The following GALNT10 variants were observed in gnomAD, a reference collection of about 807,000 sequenced individuals.
GALNT10 encodes the protein GalNAc transferase 10.
A neutral mutation model predicts 75.0 loss-of-function variants in GALNT10; 41 were observed. The observed-to-expected ratio is 0.55, with a 90% CI of 0.43 to 0.71. The LOEUF (loss-of-function observed/expected upper bound fraction) is 0.71, where lower values mean the gene tolerates loss of function less well. GALNT10 is among the 30% of genes least tolerant of loss of function. The pLI is 0.00. For missense variants in GALNT10, 727 were observed against 818.5 expected (o/e 0.89, Z 1.36); for synonymous variants, 302 against 313.0 (o/e 0.96, Z 0.37).
chr5:154,326,255 G>A (rs974716444), intron 3 of GALNT10, among the ~76,000 whole-genome samples: 1 of 152,178 alleles, frequency 6.6e-6, no homozygotes, highest in Non-Finnish European at 1.5e-5. Context: ...GCAAGAATTG[G>A]TGAGGATGTG....
intron 1 of GALNT10, among the ~76,000 whole-genome samples, chr5:154,211,100 A>G (rs1209411685): frequency 6.6e-6 from 1 of 152,224 alleles, no homozygotes; most frequent in Non-Finnish European, 1.5e-5. Flanking sequence ...AAGTTTTTTA[A>G]AAAATGAATA....
rs550832189 is a variant in GALNT10, at chr5:154,219,825, C to T, written c.159+28800C>T. 2.1e-4 allele frequency among the ~76,000 whole-genome samples: 23 copies of T among 111,486 alleles called. No homozygotes were observed. The South Asian group carries it at 6.2e-3, about 30-fold the overall frequency. The allele number at this position is 111,486 out of a possible 152,430, so 73.1% of individuals were successfully genotyped here. A position where few individuals can be genotyped will look rare whatever the true frequency, so the allele number is the denominator to read the frequency against. On this transcript the variant is annotated intron_variant, in intron 1 of 11. Transcript: ENST00000297107. The stretch of plus-strand genomic sequence containing the variant: ...ACACTCTCTCGCGCTCTCTCTCTCT[C>T]TCTCTCTCTCTCTCACACACACACA...
chr5:154,249,371 A>C (rs1460869705), intron 1 of GALNT10, among the ~76,000 whole-genome samples: 1 of 152,184 alleles, frequency 6.6e-6, no homozygotes, highest in African/African-American at 2.4e-5. Context: ...CAGTGGGCAG[A>C]GACAAAGCAG....
chr5:154,374,626 A>T (rs1755628031), intron 4 of GALNT10, among the ~76,000 whole-genome samples: 6 of 152,248 alleles, frequency 3.9e-5, no homozygotes. Context: ...CTGGGATTAT[A>T]GGCACAGTGC....
At chr5:154,314,052 A>G (rs951834695) in intron 3 of GALNT10, among the ~76,000 whole-genome samples, 1 of 152,094 alleles carries the variant, frequency 6.6e-6, no homozygotes, top group African/African-American at 2.4e-5. Context: ...TTGAACTTAC[A>G]CCATTTGCTG....
chr5:154,206,383 T>C (rs1775110089), intron 1 of GALNT10, among the ~76,000 whole-genome samples: 1 of 152,116 alleles, frequency 6.6e-6, no homozygotes, highest in South Asian at 2.1e-4. Flanking sequence ...CTAAATTGAT[T>C]TGGGGGATTA....
At chr5:154,296,731 C>A (rs1210399868) in intron 2 of GALNT10, among the ~76,000 whole-genome samples, 1 of 152,162 alleles carries the variant, frequency 6.6e-6, no homozygotes, top group Non-Finnish European at 1.5e-5. Flanking sequence ...GGCTCCAGGG[C>A]CTGAACTCTG....
At chr5:154,383,412 G>T (rs956604660) in intron 6 of GALNT10, among the ~76,000 whole-genome samples, 1 of 152,156 alleles carries the variant, frequency 6.6e-6, no homozygotes, top group Non-Finnish European at 1.5e-5. Flanking sequence ...AAATATCTCC[G>T]TCTGTAAAGG....
chr5:154,205,537 G>T (rs1215671634), intron 1 of GALNT10, among the ~76,000 whole-genome samples: 1 of 152,184 alleles, frequency 6.6e-6, no homozygotes, highest in Non-Finnish European at 1.5e-5. Flanking sequence ...GGGTAAATGG[G>T]CTCATGGGTT....
intron 1 of GALNT10, among the ~76,000 whole-genome samples, chr5:154,233,747 C>G (rs1367869685): frequency 6.6e-6 from 1 of 152,192 alleles, no homozygotes; most frequent in Non-Finnish European, 1.5e-5. Flanking sequence ...CCTGAGGATA[C>G]AGGGTAGACA....
At chr5:154,367,852 C>T (rs557242146) in intron 4 of GALNT10, among the ~76,000 whole-genome samples, 3 of 144,068 alleles carry the variant, frequency 2.1e-5, no homozygotes, top group African/African-American at 7.8e-5. Flanking sequence ...AGCAAGACTC[C>T]GTCTCAAAAA....
intron 1 of GALNT10, among the ~76,000 whole-genome samples, chr5:154,223,412 C>T (rs1218723551): frequency 6.6e-6 from 1 of 152,172 alleles, no homozygotes; most frequent in African/African-American, 2.4e-5. Flanking sequence ...TTGAAGGCCC[C>T]ATTCTTAACC....
Position 154,417,324 on chromosome 5 carries a change from C to T in GALNT10, c.*352C>T. The stretch of plus-strand genomic sequence containing the variant: ...TAGCCTAGGCCACCCAAAAGTGAGT[C>T]CTGCGAGGTTGCCCAGCCCTCAGAT... On this transcript the variant is annotated 3_prime_UTR_variant, in exon 12 of 12. Transcript: ENST00000297107. 1 of 191,570 alleles carries T rather than the reference C, an allele frequency of 5.2e-6. No homozygotes were observed. The highest frequency in any genetic ancestry group is 1.1e-5 in the Non-Finnish European group (1 of 93,118). The allele number at this position is 191,570 out of a possible 1,614,324, so 11.9% of individuals were successfully genotyped here.
rs79140456 is a variant in GALNT10 at position 154,232,803 on chromosome 5, T to C, written c.159+41778T>C. Among the ~76,000 whole-genome samples the C allele has an allele frequency of 7.1e-3, 1,083 of 152,268 alleles. 15 individuals carry two copies. The highest frequency in any genetic ancestry group is 0.025 in the African/African-American group (1,026 of 41,502). ...TCAAAAAGTGTTGAGTAGCTACAAC[T>C]TGTTTTCATGCATTTCTTCCTATTT... is the stretch of plus-strand genomic sequence containing the variant. On this transcript the variant is annotated intron_variant, in intron 1 of 11. Coordinates refer to ENST00000297107, the MANE Select transcript of GALNT10 (RefSeq NM_198321.4).
At chr5:154,239,962 G>C (rs1233537271) in intron 1 of GALNT10, among the ~76,000 whole-genome samples, 1 of 152,222 alleles carries the variant, frequency 6.6e-6, no homozygotes. Flanking sequence ...AGAGCTCTTA[G>C]AAGACTGAAT....
intron 7 of GALNT10, among the ~76,000 whole-genome samples, chr5:154,400,209 C>T (rs984228423): frequency 5.3e-5 from 8 of 151,976 alleles, no homozygotes; most frequent in African/African-American, 9.7e-5. Flanking sequence ...ATGGCGGGGG[C>T]GGGGGTGAGG....
At position 154,257,783 on chromosome 5, in the gene GALNT10, A is replaced by G. The variant is rs368348213; in HGVS notation, c.160-37033A>G. On this transcript the variant is annotated intron_variant, in intron 1 of 11. Coordinates refer to ENST00000297107, the MANE Select transcript of GALNT10 (RefSeq NM_198321.4). ...CTTAACATAGCTTCCTGGTAAAGCAATGTTACATTTATCTGACATCATTAG... is the reference window on the plus strand; with the variant it reads ...CTTAACATAGCTTCCTGGTAAAGCAGTGTTACATTTATCTGACATCATTAG... Among the ~76,000 whole-genome samples, 16 of 152,302 alleles carry G rather than the reference A, an allele frequency of 1.1e-4. No individual in the cohort carries two copies. In the East Asian group the frequency reaches 2.9e-3, roughly 28 times the overall value.
chr5:154,204,849 CT>C (rs1188699804), intron 1 of GALNT10, among the ~76,000 whole-genome samples: 1 of 152,240 alleles, frequency 6.6e-6, no homozygotes, highest in Non-Finnish European at 1.5e-5. Context: ...TATTTATTTA[CT>C]TGTTTATTTC....
intron 1 of GALNT10, among the ~76,000 whole-genome samples, 172 bp downstream of exon 1, chr5:154,191,197 GGTCCCACGCCA>G (rs1774853664): frequency 6.6e-6 from 1 of 152,020 alleles, no homozygotes; most frequent in Non-Finnish European, 1.5e-5. Flanking sequence ...ACTTGTCCAG[GGTCCCACGCCA>G]GTCAGAGACT....
Sources: gnomAD v4.1 joint callset for allele counts (sites outside exome capture counted in the v4.1 genomes callset) on GRCh38, gnomAD v4.1.1 for gene constraint, MANE v1.5 for transcripts, NCBI Gene and HGNC (gene_info 2026-07-23, HGNC 2026-07-21) for gene names.